DMD: variants seen among roughly 807,000 people sequenced by gnomAD.
The protein encoded by DMD is mutant dystrophin.
A neutral mutation model predicts 330.1 loss-of-function variants in DMD; 63 were observed. That is an observed-to-expected ratio of 0.19 (90% confidence interval 0.16 to 0.24). The LOEUF is 0.24. DMD is among the 10% of genes least tolerant of loss of function. The pLI is 1.00. For synonymous variants in DMD, 1,223 were observed against 959.8 expected, an observed-to-expected ratio of 1.27 and a Z score of -5.07; for missense variants, 3,344 against 2,684.1, an observed-to-expected ratio of 1.25 and a Z score of -5.43.
At chrX:32,501,633 A>C in intron 19 of DMD, 122 bp downstream of exon 19, 1 of 546,627 alleles carries the variant, frequency 1.8e-6, no homozygotes, top group Non-Finnish European at 3.1e-6. Flanking sequence ...AAACATACAA[A>C]CACCTTTTAA....
intron 60 of DMD, among the ~76,000 whole-genome samples, chrX:31,350,676 T>G (rs2692975): frequency 9.7e-6 from 1 of 102,869 alleles, no homozygotes; most frequent in Admixed American, 1.1e-4. Flanking sequence ...AGAGAAGCGA[T>G]GCGGAACAAA....
At position 32,820,144 on chromosome X, in the gene DMD, A is replaced by C. The variant is rs1374504451; in HGVS notation, c.357+3151T>G. 2.7e-5 allele frequency among the ~76,000 whole-genome samples: 3 copies of C among 112,585 alleles called. No individual in the cohort carries two copies. The East Asian group carries it at 8.4e-4, about 32-fold the overall frequency. On this transcript the variant is annotated intron_variant, in intron 5 of 78. Transcript: ENST00000357033. ...CATTGCAAAAGCGCCTCCACATGCT[A>C]ATAATGAAAAATGGGCTGGGTGCGG...
rs372740154 is a variant in DMD at position 32,717,021 on chromosome X, T to G, written c.650-17728A>C. Among the ~76,000 whole-genome samples the G allele has an allele frequency of 2.1e-4, 23 of 110,796 alleles. No individual in the cohort carries two copies. The East Asian group carries it at 5.4e-3, about 26-fold the overall frequency. Reference sequence around the variant, plus strand: ...ATTATCTGAAACTGGAACTTATATTTAAAAGGGAAGCAGAGCATAAAAGTT... The same window carrying G: ...ATTATCTGAAACTGGAACTTATATTGAAAAGGGAAGCAGAGCATAAAAGTT... On this transcript the variant is annotated intron_variant, in intron 7 of 78. Transcript: ENST00000357033.
At chrX:33,255,913 C>T (rs1217879199) in intron 1 of DMD, among the ~76,000 whole-genome samples, 7 of 111,544 alleles carry the variant, frequency 6.3e-5, no homozygotes, top group Admixed American at 9.6e-5. Context: ...TCCATACCTG[C>T]CTTTCTGTAA....
At chrX:31,449,162 T>G (rs940056054) in intron 59 of DMD, among the ~76,000 whole-genome samples, 1 of 111,244 alleles carries the variant, frequency 9.0e-6, no homozygotes, top group African/African-American at 3.3e-5. Flanking sequence ...ATTTCCTCTG[T>G]GAAGTAGGAA....
intron 22 of DMD, among the ~76,000 whole-genome samples, chrX:32,470,229 A>G (rs2040480747): frequency 1.8e-5 from 2 of 110,664 alleles, no homozygotes; most frequent in Admixed American, 9.7e-5. Flanking sequence ...TTTCTTCCTT[A>G]CTCACAGAAA....
At chrX:33,169,906 G>A (rs189536805) in intron 1 of DMD, among the ~76,000 whole-genome samples, 152 of 110,434 alleles carry the variant, frequency 1.4e-3, no homozygotes, top group Non-Finnish European at 2.4e-3. Flanking sequence ...TCAATACAAC[G>A]TAGTACAGAG....
intron 47 of DMD, among the ~76,000 whole-genome samples, chrX:31,901,149 T>C: frequency 8.9e-6 from 1 of 111,742 alleles, no homozygotes; most frequent in Middle Eastern, 4.6e-3. Context: ...CAGTTGAATC[T>C]ACTGTCTTTA....
At chrX:33,019,111 T>C (rs1466207167) in intron 2 of DMD, among the ~76,000 whole-genome samples, 6 of 111,805 alleles carry the variant, frequency 5.4e-5, no homozygotes. Context: ...GGGAGAACTT[T>C]TGAGATTGGA....
At position 33,295,911 on chromosome X, in the gene DMD, C is replaced by T. The variant is rs142777544; in HGVS notation, c.7+43348G>A. Among the ~76,000 whole-genome samples the T allele has an allele frequency of 5.6e-3, 620 of 111,377 alleles. 4 individuals are homozygous for T. The highest frequency in any genetic ancestry group is 0.014 in the Middle Eastern group (3 of 214). ...CAAATGGACACAGAATTCTATCAAC[C>T]GTATGACAAGAGACATCCATGGGGG... is the stretch of plus-strand genomic sequence containing the variant. On this transcript the variant is annotated intron_variant, in intron 1 of 17. Coordinates refer to the DMD transcript ENST00000288447.
rs184176926 is a variant in DMD, at chrX:31,609,131, T to C, written c.8217+18542A>G. 1.9e-3 allele frequency among the ~76,000 whole-genome samples: 213 copies of C among 111,067 alleles called. 1 individual carries two copies. Among genetic ancestry groups the C allele is most frequent in the African/African-American group, 6.7e-3 (204 of 30,401 alleles). On this transcript the variant is annotated intron_variant, in intron 55 of 78. Transcript: ENST00000357033. ...TGCTAAATTTAAGAAATAGAGAATC[T>C]TACTTTTTTTTTCCAGATTCTTGTA...
intron 44 of DMD, among the ~76,000 whole-genome samples, chrX:32,187,922 T>TAA (rs1489134578): frequency 9.0e-6 from 1 of 111,299 alleles, no homozygotes; most frequent in African/African-American, 3.2e-5. Context: ...ATAGGATTTG[T>TAA]AAACAATTGA....
chrX:31,364,555 C>T (rs1000986996), intron 60 of DMD, among the ~76,000 whole-genome samples: 1 of 112,182 alleles, frequency 8.9e-6, no homozygotes, highest in African/African-American at 3.2e-5. Context: ...GGGGAAACTA[C>T]AGAAACATTT....
intron 1 of DMD, among the ~76,000 whole-genome samples, chrX:33,237,871 A>C (rs2052516883): frequency 8.9e-6 from 1 of 112,221 alleles, no homozygotes; most frequent in Admixed American, 9.4e-5. Context: ...TGTGAACTAC[A>C]CACCCATATA....
At chrX:33,205,232 AT>A (rs1032669858) in intron 1 of DMD, among the ~76,000 whole-genome samples, 2 of 112,155 alleles carry the variant, frequency 1.8e-5, no homozygotes, top group African/African-American at 6.5e-5. Context: ...ACAGATTATT[AT>A]TTTTTCACTT....
intron 13 of DMD, among the ~76,000 whole-genome samples, chrX:32,592,937 C>A (rs1569268265): frequency 8.8e-6 from 1 of 113,008 alleles, no homozygotes; most frequent in East Asian, 2.8e-4. Context: ...GAGCTGCCAC[C>A]AGTACTGGTG....
At chrX:31,695,693 T>C (rs1382211899) in intron 52 of DMD, among the ~76,000 whole-genome samples, 1 of 111,299 alleles carries the variant, frequency 9.0e-6, no homozygotes, top group Non-Finnish European at 1.9e-5. Context: ...TATCATATAA[T>C]CTCATTTGTA....
At chrX:31,610,021 C>A (rs2077820318) in intron 55 of DMD, among the ~76,000 whole-genome samples, 1 of 110,219 alleles carries the variant, frequency 9.1e-6, no homozygotes, top group Admixed American at 9.7e-5. Context: ...TTATTACCCA[C>A]TCCATTCCTC....
intron 59 of DMD, among the ~76,000 whole-genome samples, chrX:31,452,341 G>C (rs1269557477): frequency 1.8e-5 from 2 of 109,221 alleles, no homozygotes; most frequent in Non-Finnish European, 3.8e-5. Context: ...CTAGCACTTT[G>C]GGAGGCTGAG....
Sources: allele counts gnomAD v4.1 joint callset (sites outside exome capture counted in the v4.1 genomes callset), GRCh38; gene constraint gnomAD v4.1.1; transcripts MANE v1.5; gene names NCBI Gene and HGNC (gene_info 2026-07-23, HGNC 2026-07-21).